Variants in SLCO3A1 observed in about 807,000 individuals in gnomAD.
The protein encoded by SLCO3A1 is solute carrier organic anion transporter family member 3A1.
A neutral mutation model predicts 63.1 loss-of-function variants in SLCO3A1; 27 were observed. The observed-to-expected ratio is 0.43, with a 90% CI of 0.32 to 0.59. The LOEUF is 0.59. SLCO3A1 is among the 20% of genes least tolerant of loss of function. SLCO3A1 has a pLI of 0.09. For missense variants in SLCO3A1, 773 were observed against 945.8 expected, an observed-to-expected ratio of 0.82 and a Z score of 2.40; for synonymous variants, 473 against 409.9, an observed-to-expected ratio of 1.15 and a Z score of -1.86.
chr15:91,853,989 G>A lies in SLCO3A1; in HGVS notation c.81G>A (p.Lys27=), dbSNP rs1258802324. The change falls in exon 1 of 10, where the codon AAG becomes AAA. Residue 27 remains lysine (K), a synonymous_variant. Transcript: ENST00000318445. ...AGGGGGACGAGGCGCAGAGGAACAAGAAAAAGAAAAAGAAGGTGTCCTGCT... is the reference window on the plus strand; with the variant it reads ...AGGGGGACGAGGCGCAGAGGAACAAAAAAAAGAAAAAGAAGGTGTCCTGCT... ...ELQGDEAQRN[K]KKKKKVSCFS... 1 of 1,534,316 alleles carries A rather than the reference G, an allele frequency of 6.5e-7. No individual in the cohort carries two copies. Among genetic ancestry groups the A allele is most frequent in the Admixed American group, 1.9e-5 (1 of 51,374 alleles).
At chr15:92,053,827 G>C (rs975574322) in intron 2 of SLCO3A1, among the ~76,000 whole-genome samples, 1 of 151,938 alleles carries the variant, frequency 6.6e-6, no homozygotes, top group Non-Finnish European at 1.5e-5. Context: ...TATCACTGGG[G>C]GTATTGGCTG....
In SLCO3A1 at chr15:91,865,991, C is replaced by T. The variant is rs1897155561; in HGVS notation, c.180+11903C>T. Reference sequence around the variant, plus strand: ...GTTGGATATTCGTAAGAGAGTCGTTCATACCCAAAGATATCATTTCAATCT... The same window carrying T: ...GTTGGATATTCGTAAGAGAGTCGTTTATACCCAAAGATATCATTTCAATCT... On this transcript the variant is annotated intron_variant, in intron 1 of 9. Transcript: ENST00000318445. This position sits in a 1 kb window ranked among gnomAD's most constrained non-coding sequence, Gnocchi z 4.6. Among the ~76,000 whole-genome samples the T allele has an allele frequency of 6.6e-6, 1 of 152,170 alleles. No individual in the cohort carries two copies. Among genetic ancestry groups the T allele is most frequent in the South Asian group, 2.1e-4 (1 of 4,818 alleles).
At chr15:92,116,919 A>G (rs2047802611) in intron 4 of SLCO3A1, among the ~76,000 whole-genome samples, 1 of 152,246 alleles carries the variant, frequency 6.6e-6, no homozygotes, top group Non-Finnish European at 1.5e-5. Context: ...TCTTCATGCA[A>G]ATAAGGCCCA....
At chr15:91,895,068 T>A (rs944551326) in intron 1 of SLCO3A1, among the ~76,000 whole-genome samples, 3 of 152,202 alleles carry the variant, frequency 2.0e-5, no homozygotes, top group African/African-American at 7.2e-5. Context: ...TTTCACAGCC[T>A]GTAGCAGTGT....
At chr15:92,031,144 T>G (rs72757417) in intron 2 of SLCO3A1, among the ~76,000 whole-genome samples, 28,115 of 151,674 alleles carry the variant, frequency 0.19, 2,812 homozygotes, top group Non-Finnish European at 0.21. Context: ...ATTTAGTGGT[T>G]CCAGAGACCC....
At chr15:91,891,174 AT>A (rs1897861035) in intron 1 of SLCO3A1, among the ~76,000 whole-genome samples, 1 of 151,202 alleles carries the variant, frequency 6.6e-6, no homozygotes, top group Non-Finnish European at 1.5e-5. Flanking sequence ...GAACAGAACC[AT>A]TTTTAGGTAA....
chr15:91,991,601 G>C (rs527759188), intron 2 of SLCO3A1, among the ~76,000 whole-genome samples: 59 of 152,282 alleles, frequency 3.9e-4, no homozygotes, highest in South Asian at 1.5e-3. Flanking sequence ...AAAGAGAACA[G>C]ATGAAATTAA....
At chr15:92,073,192 C>T (rs576369682) in intron 2 of SLCO3A1, among the ~76,000 whole-genome samples, 13 of 152,228 alleles carry the variant, frequency 8.5e-5, no homozygotes, top group African/African-American at 1.9e-4. Context: ...CTTGGCCTCT[C>T]GGTTTCATCA....
chr15:91,919,204 C>T (rs1898760809), intron 2 of SLCO3A1, among the ~76,000 whole-genome samples: 1 of 152,242 alleles, frequency 6.6e-6, no homozygotes, highest in Non-Finnish European at 1.5e-5. Flanking sequence ...CAAAGTGAAG[C>T]ATTCCATCTT....
chr15:92,108,761 C>G (rs1329632622), intron 4 of SLCO3A1, among the ~76,000 whole-genome samples: 1 of 152,116 alleles, frequency 6.6e-6, no homozygotes, highest in Non-Finnish European at 1.5e-5. Context: ...CTATTTCTCC[C>G]TGGAATGCCC....
At chr15:91,949,388 G>A (rs1000960069) in intron 2 of SLCO3A1, among the ~76,000 whole-genome samples, 3 of 152,180 alleles carry the variant, frequency 2.0e-5, no homozygotes, top group Non-Finnish European at 4.4e-5. Flanking sequence ...CCAGCACTTT[G>A]GGAGGCTGAG....
Position 91,862,420 on chromosome 15 carries a change from G to A in SLCO3A1, c.180+8332G>A, listed in dbSNP as rs1047658184. On this transcript the variant is annotated intron_variant, in intron 1 of 9. Transcript: ENST00000318445. This position sits in a 1 kb window ranked among gnomAD's most constrained non-coding sequence, Gnocchi z 4.0. The stretch of plus-strand genomic sequence containing the variant: ...ATCCACTCACCTCAGCCTTAGCATT[G>A]GTTTTGGTTAAAATCTTTGCCCTCT... Among the ~76,000 whole-genome samples the A allele has an allele frequency of 1.3e-5, 2 of 152,084 alleles. No individual in the cohort carries two copies. Among genetic ancestry groups the A allele is most frequent in the African/African-American group, 4.8e-5 (2 of 41,402 alleles).
At chr15:92,060,901 G>A (rs1282347842) in intron 2 of SLCO3A1, among the ~76,000 whole-genome samples, 1 of 152,136 alleles carries the variant, frequency 6.6e-6, no homozygotes, top group Non-Finnish European at 1.5e-5. Context: ...CCAGAATCAG[G>A]ATCATCAAGA....
chr15:91,887,019 T>A (rs1897741061), intron 1 of SLCO3A1, among the ~76,000 whole-genome samples: 1 of 152,184 alleles, frequency 6.6e-6, no homozygotes, highest in Non-Finnish European at 1.5e-5. Context: ...CAAGCCCATT[T>A]CCAGTGGGAA....
chr15:91,869,511 C>CTCT (rs1897242171), intron 1 of SLCO3A1, among the ~76,000 whole-genome samples: 1 of 138,158 alleles, frequency 7.2e-6, no homozygotes, highest in Admixed American at 7.5e-5. Flanking sequence ...ACTCCAGTCT[C>CTCT]TGTCTCAAAG....
chr15:91,855,808 T>G (rs1211395506), intron 1 of SLCO3A1, among the ~76,000 whole-genome samples: 2 of 152,112 alleles, frequency 1.3e-5, no homozygotes, highest in African/African-American at 4.8e-5. Flanking sequence ...GGGTCTATGT[T>G]TAGAAGGAGG....
At chr15:92,008,835 A>G (rs1475777464) in intron 2 of SLCO3A1, among the ~76,000 whole-genome samples, 1 of 152,208 alleles carries the variant, frequency 6.6e-6, no homozygotes, top group Non-Finnish European at 1.5e-5. Context: ...AATCCTTTCA[A>G]AAAGCAAATC....
At chr15:91,880,146 C>G (rs1374333464) in intron 1 of SLCO3A1, among the ~76,000 whole-genome samples, 1 of 147,744 alleles carries the variant, frequency 6.8e-6, no homozygotes, top group South Asian at 2.2e-4. Context: ...TCCATCCATC[C>G]ATCCATCCAT....
At chr15:92,155,355 C>G (rs1039906397) in intron 9 of SLCO3A1, 2 of 152,226 alleles carry the variant, frequency 1.3e-5, no homozygotes, top group Non-Finnish European at 2.9e-5. Flanking sequence ...AAGGTGCTGT[C>G]TAGGGGCTGC....
Sources: allele counts gnomAD v4.1 joint callset (sites outside exome capture counted in the v4.1 genomes callset), GRCh38; gene constraint gnomAD v4.1.1; non-coding constraint Gnocchi (gnomAD v3.1); transcripts MANE v1.5; gene names NCBI Gene and HGNC (gene_info 2026-07-23, HGNC 2026-07-21).